PRKX: variants seen among roughly 807,000 people sequenced by gnomAD.
PRKX encodes protein kinase cAMP-dependent X-linked catalytic subunit.
Under a neutral mutation model 22.0 loss-of-function variants are expected in PRKX, and 12 were observed. The ratio of observed to expected loss-of-function variants is 0.54; its 90% confidence interval spans 0.35 to 0.88. PRKX has a LOEUF of 0.88. Among genes scored for constraint, PRKX ranks in the 40% least tolerant of loss-of-function variants. PRKX has a pLI of 0.01. For missense variants in PRKX, 217 were observed against 308.0 expected (o/e 0.70, Z 2.21); for synonymous variants, 134 against 137.7 (o/e 0.97, Z 0.19).
At chrX:3,640,643 G>C (rs1398615432) in intron 4 of PRKX, among the ~76,000 whole-genome samples, 1 of 111,640 alleles carries the variant, frequency 9.0e-6, no homozygotes, top group African/African-American at 3.3e-5. Flanking sequence ...AGGTATCACA[G>C]GCGTTGGAAC....
chrX:3,682,301 C>G (rs1236197696), intron 1 of PRKX, among the ~76,000 whole-genome samples: 1 of 111,378 alleles, frequency 9.0e-6, no homozygotes, highest in Non-Finnish European at 1.9e-5. Flanking sequence ...CACCTAAACA[C>G]AGCCAATCTC....
chrX:3,665,764 C>T (rs973137988), intron 2 of PRKX, among the ~76,000 whole-genome samples: 30 of 110,769 alleles, frequency 2.7e-4, no homozygotes, highest in African/African-American at 9.2e-4. Flanking sequence ...GGACAAATGC[C>T]GTATGATTCT....
rs1164658599 is a variant in PRKX, at chrX:3,605,241, T to C, written c.*3728A>G. 1 of 111,672 alleles carries C rather than the reference T, an allele frequency of 9.0e-6. No individual in the cohort carries two copies. Among genetic ancestry groups the C allele is most frequent in the East Asian group, 2.8e-4 (1 of 3,578 alleles). 9.2% of individuals were successfully genotyped at this position (111,672 alleles called of 1,213,427 possible). ...GTGTGTAAAATGCATGCTAGGTAGA[T>C]TGAAGGAAAAACGAGAGGAACCCGG... On this transcript the variant is annotated 3_prime_UTR_variant, in exon 9 of 9. Coordinates refer to ENST00000262848, the MANE Select transcript of PRKX (RefSeq NM_005044.5).
At chrX:3,649,126 C>G (rs949498239) in intron 3 of PRKX, among the ~76,000 whole-genome samples, 2 of 111,226 alleles carry the variant, frequency 1.8e-5, no homozygotes, top group Admixed American at 1.9e-4. Context: ...AGGCTCACAG[C>G]GCAAAGGAAA....
chrX:3,675,579 T>C (rs1317361723), intron 1 of PRKX, among the ~76,000 whole-genome samples: 7 of 109,488 alleles, frequency 6.4e-5, no homozygotes, highest in Non-Finnish European at 1.9e-5. Context: ...CTCCTCTCCC[T>C]CCTCTTCCTC....
chrX:3,709,563 A>G (rs1485162704), intron 1 of PRKX, among the ~76,000 whole-genome samples: 5 of 111,513 alleles, frequency 4.5e-5, no homozygotes. Context: ...ACAGGTTAAC[A>G]CTTGGGGTAC....
intron 1 of PRKX, among the ~76,000 whole-genome samples, chrX:3,712,180 C>A (rs1290865034): frequency 9.0e-6 from 1 of 111,236 alleles, no homozygotes; most frequent in East Asian, 2.9e-4. Context: ...GCCTGAGAGC[C>A]GACGCCTCAC....
At chrX:3,622,902 C>T (rs771535830) in intron 5 of PRKX, among the ~76,000 whole-genome samples, 3 of 112,017 alleles carry the variant, frequency 2.7e-5, no homozygotes, top group Admixed American at 9.5e-5. Context: ...TGTGGGGCTT[C>T]GTCCCCCACG....
intron 1 of PRKX, among the ~76,000 whole-genome samples, chrX:3,702,151 G>C (rs973057763): frequency 1.8e-5 from 2 of 111,641 alleles, no homozygotes; most frequent in Non-Finnish European, 3.8e-5. Flanking sequence ...CTCCACTCTT[G>C]TCCTCTCATT....
intron 5 of PRKX, among the ~76,000 whole-genome samples, chrX:3,625,283 A>G (rs1192509612): frequency 1.8e-5 from 2 of 112,019 alleles, no homozygotes; most frequent in African/African-American, 6.5e-5. Flanking sequence ...CAAGAAACTC[A>G]ACTGAACGTA....
At chrX:3,613,136 G>A (rs1270474679) in intron 7 of PRKX, among the ~76,000 whole-genome samples, 1 of 61,322 alleles carries the variant, frequency 1.6e-5, no homozygotes, top group African/African-American at 5.2e-5. Flanking sequence ...GGGCAACGGA[G>A]CAAGACTTCG....
rs1458652230 is a variant in PRKX, at chrX:3,713,237, A to G, written c.17T>C (p.Leu6Pro). 1.3e-5 allele frequency: 14 copies of G among 1,049,351 alleles called. No individual in the cohort carries two copies. The East Asian group carries it at 4.5e-4, about 33-fold the overall frequency. 86.5% of individuals were successfully genotyped at this position (1,049,351 alleles called of 1,213,427 possible). A position where few individuals can be genotyped will look rare whatever the true frequency, so the allele number is the denominator to read the frequency against. Residue 6 changes from leucine to proline, a missense_variant, in exon 1 of 9, where the codon CTG becomes CCG. Coordinates refer to ENST00000262848, the MANE Select transcript of PRKX (RefSeq NM_005044.5). MEAPG[L>P]AQAAAAESDS... is the part of the protein sequence containing the mutation. ...GCTCTCCGCCGCGGCCGCCTGGGCC[A>G]GCCCGGGCGCCTCCATGGGGACGCA...
intron 1 of PRKX, among the ~76,000 whole-genome samples, chrX:3,681,907 C>T (rs186568277): frequency 2.7e-5 from 3 of 110,337 alleles, no homozygotes; most frequent in East Asian, 2.9e-4. Context: ...TTTATCATCA[C>T]GATGCCCATT....
rs1181581544 is a variant in PRKX at position 3,655,186 on chromosome X, G to A, written c.562C>T (p.Leu188Phe). 2.5e-6 allele frequency: 3 copies of A among 1,212,007 alleles called. No individual in the cohort carries two copies. The highest frequency in any genetic ancestry group is 1.1e-6 in the Non-Finnish European group (1 of 895,599). The change falls in exon 3 of 9, where the codon CTC (leucine) becomes TTC (phenylalanine). Residue 188 changes from leucine (L) to phenylalanine (F), a missense_variant. Transcript: ENST00000262848. ...ILLDRDGHIK[L>F]TDFGFAKKLV... ...TTCTTGGCGAACCCAAAGTCCGTGA[G>A]CTTAATGTGGCCATCCCTATCCAGC...
chrX:3,661,042 A>G (rs1927583900), intron 2 of PRKX, among the ~76,000 whole-genome samples: 1 of 110,646 alleles, frequency 9.0e-6, no homozygotes, highest in African/African-American at 3.3e-5. Context: ...ATCAACATCA[A>G]CAAACCACAA....
rs186092776 is a variant in PRKX at position 3,705,035 on chromosome X, G to A, written c.166+8053C>T. Reference sequence around the variant, plus strand: ...AATGATAGACCAGCGCATTGCAGCTGCCTTTCCATGGACCCTGCCGCGTGG... The same window carrying A: ...AATGATAGACCAGCGCATTGCAGCTACCTTTCCATGGACCCTGCCGCGTGG... On this transcript the variant is annotated intron_variant, in intron 1 of 8. Coordinates refer to ENST00000262848, the MANE Select transcript of PRKX (RefSeq NM_005044.5). Among the ~76,000 whole-genome samples, 124 of 112,043 alleles carry A rather than the reference G, an allele frequency of 1.1e-3. 1 individual carries two copies. The highest frequency in any genetic ancestry group is 4.6e-3 in the Middle Eastern group (1 of 217).
chrX:3,675,810 C>A (rs759080152), intron 1 of PRKX, among the ~76,000 whole-genome samples: 6 of 111,574 alleles, frequency 5.4e-5, no homozygotes, highest in African/African-American at 1.6e-4. Flanking sequence ...CATAAATGTT[C>A]TTGGGTTAAT....
At chrX:3,687,685 TA>T (rs1245699115) in intron 1 of PRKX, among the ~76,000 whole-genome samples, 1 of 108,052 alleles carries the variant, frequency 9.3e-6, no homozygotes, top group East Asian at 2.9e-4. Context: ...TCCCAGGGGC[TA>T]AAAAAAAACA....
chrX:3,670,549 T>C (rs1226129643), intron 2 of PRKX, among the ~76,000 whole-genome samples: 1 of 111,804 alleles, frequency 8.9e-6, no homozygotes, highest in Non-Finnish European at 1.9e-5. Context: ...TACATTGTTT[T>C]TCGGATTCTT....
Sources: allele counts gnomAD v4.1 joint callset (sites outside exome capture counted in the v4.1 genomes callset), GRCh38; gene constraint gnomAD v4.1.1; transcripts MANE v1.5; gene names NCBI Gene and HGNC (gene_info 2026-07-23, HGNC 2026-07-21).